The following PCDH15 variants were observed in gnomAD, a reference collection of about 807,000 sequenced individuals.
The protein encoded by PCDH15 is protocadherin-15.
PCDH15 carries 129 observed loss-of-function variants against 178.5 expected under a neutral mutation model. That is an observed-to-expected ratio of 0.72 (90% CI 0.63 to 0.84). The LOEUF (loss-of-function observed/expected upper bound fraction) is 0.84, where lower values mean the gene tolerates loss of function less well. PCDH15 is among the 40% of genes least tolerant of loss of function. PCDH15 has a pLI of 0.00. For synonymous variants in PCDH15, 800 were observed against 732.0 expected (o/e 1.09, Z -1.50); for missense variants, 2,230 against 2,099.9 (o/e 1.06, Z -1.21).
chr10:54,891,484 T>A (rs962758046), intron 3 of PCDH15, among the ~76,000 whole-genome samples: 3 of 152,124 alleles, frequency 2.0e-5, no homozygotes, highest in Admixed American at 1.3e-4. Context: ...TGGTCTCTTC[T>A]TCTAGCCTAC....
intron 1 of PCDH15, among the ~76,000 whole-genome samples, chr10:54,770,788 T>A (rs939929799): frequency 6.6e-6 from 1 of 152,004 alleles, no homozygotes; most frequent in African/African-American, 2.4e-5. Flanking sequence ...TCAACGAAAT[T>A]ACCCAAATAT....
chr10:54,783,235 T>C (rs949185529), intron 1 of PCDH15, among the ~76,000 whole-genome samples: 1 of 151,408 alleles, frequency 6.6e-6, no homozygotes, highest in Non-Finnish European at 1.5e-5. Flanking sequence ...ATAAGAAAAA[T>C]AATTTATGAT....
intron 25 of PCDH15, among the ~76,000 whole-genome samples, chr10:53,916,792 T>G (rs1337942307): frequency 6.6e-6 from 1 of 152,140 alleles, no homozygotes; most frequent in Non-Finnish European, 1.5e-5. Context: ...GATAGTAATT[T>G]TACATAAATA....
At chr10:54,864,787 C>T (rs1953906502) in intron 3 of PCDH15, 1 of 152,164 alleles carries the variant, frequency 6.6e-6, no homozygotes, top group African/African-American at 2.4e-5. Context: ...CTGGCTTCCC[C>T]TAGAGCAATC....
At chr10:54,024,618 C>T (rs74373294) in intron 18 of PCDH15, among the ~76,000 whole-genome samples, 2,451 of 152,232 alleles carry the variant, frequency 0.016, 63 homozygotes, top group African/African-American at 0.056. Context: ...CTCATCAAAA[C>T]ACAACTGCCC....
At chr10:55,395,194 T>TGAGAGAGA (rs1362426463) in intron 2 of PCDH15, among the ~76,000 whole-genome samples, 1 of 91,012 alleles carries the variant, frequency 1.1e-5, no homozygotes, top group African/African-American at 4.4e-5. Flanking sequence ...TGTGTGTGTG[T>TGAGAGAGA]GTGAGAGAGA....
intron 5 of PCDH15, among the ~76,000 whole-genome samples, chr10:54,348,838 C>A (rs1943733194): frequency 6.6e-6 from 1 of 152,116 alleles, no homozygotes; most frequent in Non-Finnish European, 1.5e-5. Flanking sequence ...ATCCATATCC[C>A]AGCCCCTAGT....
rs759677935 is a variant in PCDH15, at chr10:55,477,882, CAT to C, written c.-156+149741_-156+149742del. 4.1e-4 allele frequency among the ~76,000 whole-genome samples: 62 copies of C among 151,932 alleles called. No homozygotes were observed. In the Middle Eastern group the frequency reaches 0.01, roughly 25 times the overall value. On this transcript the variant is annotated intron_variant, in intron 2 of 5. Transcript: ENST00000613346. ...ATGTACTAAGGCACTAATTAAGAAACATAAAGTGGCTGAATAGATAAAACACA... is the reference window on the plus strand; with the variant it reads ...ATGTACTAAGGCACTAATTAAGAAACAAAGTGGCTGAATAGATAAAACACA...
intron 27 of PCDH15, among the ~76,000 whole-genome samples, chr10:53,864,007 G>A (rs960826566): frequency 2.0e-5 from 3 of 152,132 alleles, no homozygotes; most frequent in Non-Finnish European, 4.4e-5. Context: ...TGAGGACAAG[G>A]TATTGGAGAT....
chr10:53,991,462 C>G (rs2091477553), intron 21 of PCDH15, among the ~76,000 whole-genome samples: 2 of 152,052 alleles, frequency 1.3e-5, no homozygotes, highest in Admixed American at 6.5e-5. Context: ...AGTCAGTGCT[C>G]TGTGTCTAGC....
At chr10:54,324,184 C>T (rs1833761255) in intron 7 of PCDH15, among the ~76,000 whole-genome samples, 1 of 151,984 alleles carries the variant, frequency 6.6e-6, no homozygotes, top group South Asian at 2.1e-4. Context: ...GAGGTTATTT[C>T]TGAAAAGTTG....
intron 2 of PCDH15, chr10:55,597,312 ATAATT>A (rs1162977309): frequency 6.6e-6 from 1 of 152,190 alleles, no homozygotes; most frequent in Non-Finnish European, 1.5e-5. Context: ...ACGTTCACGC[ATAATT>A]TAAAGGACTA....
At chr10:55,107,740 AC>A (rs1324467846) in intron 2 of PCDH15, among the ~76,000 whole-genome samples, 1 of 138,254 alleles carries the variant, frequency 7.2e-6, no homozygotes, top group East Asian at 2.1e-4. Flanking sequence ...ATCCACCCCC[AC>A]CCCCCTCAGC....
chr10:54,751,606 T>A (rs10763138), intron 1 of PCDH15, among the ~76,000 whole-genome samples: 81,651 of 151,976 alleles, frequency 0.54, 22,548 homozygotes, highest in Middle Eastern at 0.69. Context: ...GAATTAAATG[T>A]CTAGCCAATT....
intron 2 of PCDH15, among the ~76,000 whole-genome samples, chr10:54,987,837 C>A (rs1259752018): frequency 2.0e-5 from 3 of 151,534 alleles, no homozygotes; most frequent in Admixed American, 6.6e-5. Flanking sequence ...ACTATAGATT[C>A]TTTTGCTGTG....
intron 15 of PCDH15, among the ~76,000 whole-genome samples, chr10:54,126,916 T>C (rs7074636): frequency 0.39 from 58,872 of 152,000 alleles, 12,295 homozygotes; most frequent in African/African-American, 0.53. Context: ...AAATATTCTA[T>C]CTTACTTGTC....
intron 3 of PCDH15, among the ~76,000 whole-genome samples, chr10:54,817,590 T>C (rs1952969130): frequency 6.6e-6 from 1 of 152,034 alleles, no homozygotes; most frequent in African/African-American, 2.4e-5. Flanking sequence ...ATTAGTAAAA[T>C]TGTAAGTGAG....
chr10:55,320,513 C>G (rs1441251361), upstream of PCDH15, among the ~76,000 whole-genome samples: 4 of 152,306 alleles, frequency 2.6e-5, no homozygotes, highest in African/African-American at 7.2e-5. Flanking sequence ...GCTGTCACTG[C>G]CTGATAAAGT....
At chr10:54,540,297 A>G (rs1454665914) in intron 2 of PCDH15, among the ~76,000 whole-genome samples, 2 of 152,148 alleles carry the variant, frequency 1.3e-5, no homozygotes, top group East Asian at 1.9e-4. Flanking sequence ...GAAGATCCAG[A>G]TAAGCACAAC....
Sources: allele counts gnomAD v4.1 joint callset (sites outside exome capture counted in the v4.1 genomes callset), GRCh38; gene constraint gnomAD v4.1.1; transcripts MANE v1.5; gene names NCBI Gene and HGNC (gene_info 2026-07-23, HGNC 2026-07-21).